The following LRP1B variants were observed in gnomAD, a reference collection of about 807,000 sequenced individuals.
LRP1B encodes the protein low-density lipoprotein receptor-related protein 1B.
A neutral mutation model predicts 556.6 loss-of-function variants in LRP1B; 217 were observed. That is an observed-to-expected ratio of 0.39 (90% CI 0.35 to 0.44). The LOEUF is 0.44. Among genes scored for constraint, LRP1B ranks in the 20% least tolerant of loss-of-function variants. The pLI is 1.00. For synonymous variants in LRP1B, 2,047 were observed against 1,865.8 expected, an observed-to-expected ratio of 1.10 and a Z score of -2.50; for missense variants, 5,053 against 5,620.8, an observed-to-expected ratio of 0.90 and a Z score of 3.23.
rs1558890924 is a variant in LRP1B at position 141,810,133 on chromosome 2, GAA to G, written c.205+144_205+145del. 2.0e-3 allele frequency: 881 copies of G among 444,026 alleles called. 15 individuals are homozygous for G. The highest frequency in any genetic ancestry group is 6.9e-3 in the East Asian group (200 of 28,798). 27.5% of individuals were successfully genotyped at this position (444,026 alleles called of 1,614,324 possible). ...AAAGAAAAAGAAAGAAAGAAAGAAA[GAA>G]AGAAAGAAAGAAAGAAAGAAAGAAA... On this transcript the variant is annotated intron_variant, in intron 2 of 90. Transcript: ENST00000389484.
At chr2:140,401,701 C>G (rs1378351299) in intron 66 of LRP1B, among the ~76,000 whole-genome samples, 1 of 152,214 alleles carries the variant, frequency 6.6e-6, no homozygotes, top group Admixed American at 6.5e-5. Context: ...CCCACTGCTA[C>G]TACTGCATCA....
In LRP1B at chr2:140,963,633, T is replaced by C. The variant is rs544245460; in HGVS notation, c.2888-11693A>G. ...TAGCTCCTTCCTACCAGAAATAATC[T>C]GCTGAATTACTTGAAAAAAACACAC... On this transcript the variant is annotated intron_variant, in intron 18 of 90. Coordinates refer to ENST00000389484, the MANE Select transcript of LRP1B (RefSeq NM_018557.3). Among the ~76,000 whole-genome samples the C allele has an allele frequency of 7.9e-5, 12 of 152,118 alleles. No homozygotes were observed. The South Asian group carries it at 2.5e-3, about 32-fold the overall frequency.
At chr2:142,004,320 G>A (rs764468599) in intron 1 of LRP1B, among the ~76,000 whole-genome samples, 6 of 151,974 alleles carry the variant, frequency 3.9e-5, no homozygotes, top group Non-Finnish European at 7.4e-5. Context: ...GCCAAAGATG[G>A]GAACACAAGG....
chr2:140,522,032 A>G (rs1690201873), intron 49 of LRP1B, among the ~76,000 whole-genome samples: 1 of 152,052 alleles, frequency 6.6e-6, no homozygotes, highest in Non-Finnish European at 1.5e-5. Context: ...TCGGTCAATG[A>G]GGCAGAAAAC....
chr2:140,704,990 C>A (rs563560892), intron 37 of LRP1B, among the ~76,000 whole-genome samples: 4 of 152,082 alleles, frequency 2.6e-5, no homozygotes, highest in African/African-American at 9.6e-5. Flanking sequence ...CCTACTTAGC[C>A]CTAATTCTCA....
intron 15 of LRP1B, among the ~76,000 whole-genome samples, chr2:140,995,319 G>A (rs1026191891): frequency 3.3e-5 from 5 of 151,422 alleles, no homozygotes; most frequent in Admixed American, 3.3e-4. Flanking sequence ...TAGTCTGTGG[G>A]TATGCCCCAA....
intron 3 of LRP1B, among the ~76,000 whole-genome samples, chr2:141,314,835 T>TAC (rs1686947143): frequency 7.6e-6 from 1 of 131,826 alleles, no homozygotes; most frequent in Admixed American, 7.9e-5. Context: ...TATGTGTATA[T>TAC]ATATATATAC....
At chr2:140,278,741 C>T (rs1273278437) in intron 84 of LRP1B, among the ~76,000 whole-genome samples, 2 of 151,952 alleles carry the variant, frequency 1.3e-5, no homozygotes, top group Non-Finnish European at 2.9e-5. Context: ...TTTTTCCCCT[C>T]TAAAAATGGC....
chr2:140,549,826 G>T (rs1183598695), intron 43 of LRP1B, among the ~76,000 whole-genome samples: 2 of 151,994 alleles, frequency 1.3e-5, no homozygotes, highest in Non-Finnish European at 2.9e-5. Context: ...ATACAGCGGG[G>T]CCTAGCATCG....
At chr2:140,258,198 A>G (rs1681779538) in intron 86 of LRP1B, among the ~76,000 whole-genome samples, 1 of 152,116 alleles carries the variant, frequency 6.6e-6, no homozygotes, top group East Asian at 1.9e-4. Context: ...TAAAATAATT[A>G]GATTGGAACA....
chr2:140,438,279 A>G (rs560449662), intron 66 of LRP1B, among the ~76,000 whole-genome samples: 207 of 152,310 alleles, frequency 1.4e-3, no homozygotes, highest in Non-Finnish European at 2.1e-3. Context: ...TGCTGGGATT[A>G]CAGGCATGAG....
chr2:140,800,895 T>A (rs1285562920), intron 32 of LRP1B, among the ~76,000 whole-genome samples: 1 of 152,146 alleles, frequency 6.6e-6, no homozygotes, highest in Non-Finnish European at 1.5e-5. Flanking sequence ...TCAATTCAAA[T>A]CCTAATATCT....
intron 77 of LRP1B, among the ~76,000 whole-genome samples, chr2:140,347,760 G>A (rs655308): frequency 0.53 from 80,514 of 151,754 alleles, 21,640 homozygotes; most frequent in Non-Finnish European, 0.57. Flanking sequence ...TCAGAGATAG[G>A]TAGAAATCAA....
At position 141,229,373 on chromosome 2, in the gene LRP1B, A is replaced by T; in HGVS notation, c.660T>A (p.Asn220Lys). The T allele has an allele frequency of 6.2e-7, 1 of 1,610,294 alleles. No homozygotes were observed. Among genetic ancestry groups the T allele is most frequent in the East Asian group, 2.2e-5 (1 of 44,754 alleles). Residue 220 changes from asparagine to lysine, a missense_variant, in exon 6 of 91, where the codon AAT (asparagine) becomes AAA (lysine). By Grantham distance (94) the Asn-to-Lys change is moderately conservative. Transcript: ENST00000389484. ...NFETIEVFYL[N>K]GSKMATLSSV... ...AGCTTAGAGTTGCCATTTTACTTCC[A>T]TTAAGATAGAAAACCTCAATTGTTT...
At chr2:140,595,343 G>A (rs1275243672) in intron 43 of LRP1B, among the ~76,000 whole-genome samples, 1 of 151,710 alleles carries the variant, frequency 6.6e-6, no homozygotes, top group East Asian at 1.9e-4. Flanking sequence ...GGATTTCAAG[G>A]CAAATCTAGG....
intron 7 of LRP1B, among the ~76,000 whole-genome samples, chr2:141,102,310 G>T (rs1394537528): frequency 6.6e-6 from 1 of 152,082 alleles, no homozygotes; most frequent in Non-Finnish European, 1.5e-5. Context: ...ACATAAACTT[G>T]TATTTAGACT....
At chr2:141,603,582 T>C (rs1257372922) in intron 2 of LRP1B, among the ~76,000 whole-genome samples, 22 of 152,176 alleles carry the variant, frequency 1.4e-4, no homozygotes. Flanking sequence ...GACTGATATA[T>C]TTAGTAGCTA....
chr2:141,121,755 A>G (rs1278685280), intron 7 of LRP1B, among the ~76,000 whole-genome samples: 1 of 149,970 alleles, frequency 6.7e-6, no homozygotes, highest in African/African-American at 2.4e-5. Context: ...AAACTACTTT[A>G]AAGTTCATAT....
chr2:141,035,897 T>A, intron 11 of LRP1B, among the ~76,000 whole-genome samples: 1 of 152,160 alleles, frequency 6.6e-6, no homozygotes, highest in East Asian at 1.9e-4. Flanking sequence ...TATGTTTTAA[T>A]TGATTCTAAC....
Sources: allele counts gnomAD v4.1 joint callset (sites outside exome capture counted in the v4.1 genomes callset), GRCh38; gene constraint gnomAD v4.1.1; transcripts MANE v1.5; gene names NCBI Gene and HGNC (gene_info 2026-07-23, HGNC 2026-07-21).